MEIOC: variants seen among roughly 807,000 people sequenced by gnomAD.
The protein encoded by MEIOC is meiosis specific with coiled-coil domain.
A neutral mutation model predicts 85.3 loss-of-function variants in MEIOC; 9 were observed. The observed-to-expected ratio is 0.11, with a 90% CI of 0.06 to 0.18. The LOEUF (loss-of-function observed/expected upper bound fraction) is 0.18, where lower values mean the gene tolerates loss of function less well. Ranked by LOEUF, MEIOC falls within the 10% of genes least tolerant of loss-of-function variation. MEIOC has a pLI of 1.00. For missense variants in MEIOC, 898 were observed against 1,129.4 expected (o/e 0.80, Z 2.94); for synonymous variants, 365 against 393.7 (o/e 0.93, Z 0.86).
At chr17:44,673,149 T>C in intron 6 of MEIOC, 1 of 416,886 alleles carries the variant, frequency 2.4e-6, no homozygotes, top group Admixed American at 4.2e-5. Flanking sequence ...TTTTCAGTAA[T>C]CAACTACCAC....
At chr17:44,657,661 C>G (rs1169661024) in intron 2 of MEIOC, among the ~76,000 whole-genome samples, 1 of 151,500 alleles carries the variant, frequency 6.6e-6, no homozygotes, top group African/African-American at 2.4e-5. Flanking sequence ...TCAAGTTATT[C>G]TCCTGCCTCA....
At chr17:44,665,345 C>T in intron 3 of MEIOC, 39 bp from the exon 4 acceptor site, 2 of 1,292,712 alleles carry the variant, frequency 1.5e-6, no homozygotes, top group Non-Finnish European at 2.1e-6. Flanking sequence ...AAAGAGTAAT[C>T]AATATATTGT....
chr17:44,676,580 T>C (rs1972077889), downstream of MEIOC, among the ~76,000 whole-genome samples: 1 of 152,100 alleles, frequency 6.6e-6, no homozygotes, highest in South Asian at 2.1e-4. Context: ...CCCAGCACTT[T>C]GGGAGGCTGA....
Position 44,667,453 on chromosome 17 carries a change from T to G in MEIOC, c.1542T>G (p.Ser514=). The change falls in exon 5 of 8, where the codon TCT becomes TCG. Residue 514 remains serine (S), a synonymous_variant. Coordinates refer to ENST00000409122, the MANE Select transcript of MEIOC (RefSeq NM_001145080.3). ...LSAASKGSNH[S]SDFPQLSSTN... ...CAGCTTCAAAAGGTTCTAACCATTC[T>G]TCAGATTTCCCCCAACTATCATCCA... The G allele has an allele frequency of 6.2e-7, 1 of 1,613,656 alleles. No homozygotes were observed. Among genetic ancestry groups the G allele is most frequent in the South Asian group, 1.1e-5 (1 of 91,040 alleles).
chr17:44,674,992 T>A lies in MEIOC; in HGVS notation c.*796T>A. The A allele has an allele frequency of 6.1e-6, 6 of 983,444 alleles. No homozygotes were observed. Among genetic ancestry groups the A allele is most frequent in the Non-Finnish European group, 7.2e-6 (6 of 828,074 alleles). The allele number at this position is 983,444 out of a possible 1,614,324, so 60.9% of individuals were successfully genotyped here. On this transcript the variant is annotated 3_prime_UTR_variant, in exon 8 of 8. Transcript: ENST00000409122. ...CTTTATCTGGATCTTTTAGACTTGA[T>A]GCACAGTAACTGAAATAATGACTAC...
At chr17:44,657,019 G>A in intron 1 of MEIOC, 108 bp from the exon 2 acceptor site, 3 of 1,315,554 alleles carry the variant, frequency 2.3e-6, no homozygotes, top group Non-Finnish European at 1.0e-6. Flanking sequence ...CTCTGAGAGG[G>A]TTCGGAATTG....
chr17:44,664,919 A>AT (rs2144664147), intron 3 of MEIOC, among the ~76,000 whole-genome samples: 1 of 152,304 alleles, frequency 6.6e-6, no homozygotes, highest in South Asian at 2.1e-4. Flanking sequence ...TTTATCCAAT[A>AT]TTAATATAGA....
intron 6 of MEIOC, chr17:44,670,400 G>T (rs1210602357): frequency 1.3e-5 from 2 of 151,570 alleles, no homozygotes; most frequent in African/African-American, 2.4e-5. Context: ...TCAACTGAAA[G>T]AATTTTTTAA....
chr17:44,662,261 A>G, intron 2 of MEIOC, 56 bp from the exon 3 acceptor site: 1 of 1,305,820 alleles, frequency 7.7e-7, no homozygotes, highest in South Asian at 1.4e-5. Flanking sequence ...TTTTTCTCAT[A>G]TTCTACAACA....
Position 44,657,161 on chromosome 17 carries a change from G to A in MEIOC, c.104G>A (p.Cys35Tyr). The change falls in exon 2 of 8, where the codon TGT becomes TAT. Residue 35 changes from cysteine to tyrosine, a missense_variant. Physicochemically the swap from Cys to Tyr is radical, Grantham distance 194. Around this residue, in one of 2 missense-constraint regions of MEIOC, gnomAD observed 734 missense variants for 860.1 expected, o/e 0.85. Transcript: ENST00000409122. ...GCGTTCCCCGGAGGTGCGAATCGCTGTTGGAACCTCGGCGCCGACGCCGGC... is the reference window on the plus strand; with the variant it reads ...GCGTTCCCCGGAGGTGCGAATCGCTATTGGAACCTCGGCGCCGACGCCGGC... ...KVAFPGGANR[C>Y]WNLGADAGSR... 1 of 1,551,480 alleles carries A rather than the reference G, an allele frequency of 6.4e-7. No homozygotes were observed. Among genetic ancestry groups the A allele is most frequent in the South Asian group, 1.2e-5 (1 of 84,064 alleles).
In MEIOC at chr17:44,674,531, A is replaced by C. The variant is rs1972050470; in HGVS notation, c.*335A>C. ...AAATGTGAAATTCTTCTAGGAGATAAATTTCATTTAGGTTTGTCTTAGTTA... is the reference window on the plus strand; with the variant it reads ...AAATGTGAAATTCTTCTAGGAGATACATTTCATTTAGGTTTGTCTTAGTTA... On this transcript the variant is annotated 3_prime_UTR_variant, in exon 8 of 8. Coordinates refer to ENST00000409122, the MANE Select transcript of MEIOC (RefSeq NM_001145080.3). 9.7e-7 allele frequency: 1 copy of C among 1,028,252 alleles called. No homozygotes were observed. Among genetic ancestry groups the C allele is most frequent in the Non-Finnish European group, 1.2e-6 (1 of 855,450 alleles). 63.7% of individuals were successfully genotyped at this position (1,028,252 alleles called of 1,614,324 possible). A position where few individuals can be genotyped will look rare whatever the true frequency, so the allele number is the denominator to read the frequency against.
chr17:44,664,546 A>ATG lies in MEIOC; in HGVS notation c.360-837_360-836insGT, dbSNP rs1971881691. Among the ~76,000 whole-genome samples, 2 of 152,166 alleles carry ATG rather than the reference A, an allele frequency of 1.3e-5. 1 individual carries two copies. The highest frequency in any genetic ancestry group is 4.2e-4 in the South Asian group (2 of 4,814). On this transcript the variant is annotated intron_variant, in intron 3 of 7. Coordinates refer to ENST00000409122, the MANE Select transcript of MEIOC (RefSeq NM_001145080.3). ...TTTTGGATTAGGGACGTTCAACCAAATATACAAGTATACATTATATATTTG... is the reference window on the plus strand; with the variant it reads ...TTTTGGATTAGGGACGTTCAACCAAATGTATACAAGTATACATTATATATTTG...
chr17:44,662,247 CT>C, intron 2 of MEIOC, 69 bp from the exon 3 acceptor site: 1 of 1,190,226 alleles, frequency 8.4e-7, no homozygotes. Context: ...TTTCCGCTTT[CT>C]TATTTTTCTC....
In MEIOC at chr17:44,675,795, G is replaced by A. The variant is rs1972068052; in HGVS notation, c.*1599G>A. ...CAGGAAAAAAATAAATTACTTTGTTGAAAACATTTGGTTTCATTTTTCTAA... is the reference window on the plus strand; with the variant it reads ...CAGGAAAAAAATAAATTACTTTGTTAAAAACATTTGGTTTCATTTTTCTAA... On this transcript the variant is annotated 3_prime_UTR_variant, in exon 8 of 8. Transcript: ENST00000409122. 1 of 926,282 alleles carries A rather than the reference G, an allele frequency of 1.1e-6. No homozygotes were observed. The allele number at this position is 926,282 out of a possible 1,614,324, so 57.4% of individuals were successfully genotyped here.
At position 44,674,374 on chromosome 17, in the gene MEIOC, T is replaced by G; in HGVS notation, c.*178T>G. 7.2e-7 allele frequency: 1 copy of G among 1,387,836 alleles called. No individual in the cohort carries two copies. The highest frequency in any genetic ancestry group is 9.3e-7 in the Non-Finnish European group (1 of 1,071,048). 86.0% of individuals were successfully genotyped at this position (1,387,836 alleles called of 1,614,324 possible). On this transcript the variant is annotated 3_prime_UTR_variant, in exon 8 of 8. Coordinates refer to ENST00000409122, the MANE Select transcript of MEIOC (RefSeq NM_001145080.3). ...TCTTCTATTTGAAGTGAATCCGATA[T>G]AGTTTTAAGTAAACGCAAAGGTACA...
intron 3 of MEIOC, among the ~76,000 whole-genome samples, chr17:44,663,844 T>C (rs1971873356): frequency 6.6e-6 from 1 of 152,182 alleles, no homozygotes; most frequent in Non-Finnish European, 1.5e-5. Context: ...AGCAAGTATG[T>C]AGTAGTTTGG....
At chr17:44,664,761 A>T (rs1316050730) in intron 3 of MEIOC, among the ~76,000 whole-genome samples, 1 of 152,214 alleles carries the variant, frequency 6.6e-6, no homozygotes, top group Non-Finnish European at 1.5e-5. Flanking sequence ...TTTAGTCAGT[A>T]TCAGTCACTA....
At position 44,656,537 on chromosome 17, in the gene MEIOC, C is replaced by A; in HGVS notation, c.-77C>A. The A allele has an allele frequency of 8.4e-7, 1 of 1,184,470 alleles. No individual in the cohort carries two copies. Among genetic ancestry groups the A allele is most frequent in the South Asian group, 2.2e-5 (1 of 45,094 alleles). The allele number at this position is 1,184,470 out of a possible 1,614,324, so 73.4% of individuals were successfully genotyped here. On this transcript the variant is annotated 5_prime_UTR_variant, in exon 1 of 8. Coordinates refer to ENST00000409122, the MANE Select transcript of MEIOC (RefSeq NM_001145080.3). ...GACGGCGGGGTGCGGGCTGAGGGAG[C>A]CGGGCCTGGACGCCCCCCCCATCAC...
At position 44,667,273 on chromosome 17, in the gene MEIOC, T is replaced by C. The variant is rs1000377619; in HGVS notation, c.1362T>C (p.Tyr454=). ...FAKPDPPHSE[Y]FKSVNLLSNS... ...AACCTGATCCCCCACATTCTGAGTATTTTAAATCAGTGAATTTATTATCAA... is the reference window on the plus strand; with the variant it reads ...AACCTGATCCCCCACATTCTGAGTACTTTAAATCAGTGAATTTATTATCAA... Residue 454 remains tyrosine, a synonymous_variant, in exon 5 of 8, where the codon TAT becomes TAC. Coordinates refer to ENST00000409122, the MANE Select transcript of MEIOC (RefSeq NM_001145080.3). 7 of 1,613,790 alleles carry C rather than the reference T, an allele frequency of 4.3e-6. No homozygotes were observed. The highest frequency in any genetic ancestry group is 5.9e-6 in the Non-Finnish European group (7 of 1,179,848).
Sources: gnomAD v4.1 joint callset for allele counts (sites outside exome capture counted in the v4.1 genomes callset) on GRCh38, gnomAD v4.1.1 for gene constraint, gnomAD v4.1.1 regional missense constraint, MANE v1.5 for transcripts, NCBI Gene and HGNC (gene_info 2026-07-23, HGNC 2026-07-21) for gene names.